Variants in NBEA observed in about 807,000 individuals in gnomAD.
NBEA encodes lysosomal-trafficking regulator 2.
A neutral mutation model predicts 343.4 loss-of-function variants in NBEA; 44 were observed. The observed-to-expected ratio is 0.13, with a 90% CI of 0.10 to 0.16. The LOEUF (loss-of-function observed/expected upper bound fraction) is 0.16. NBEA is among the 10% of genes least tolerant of loss of function. The pLI, the probability that NBEA is intolerant of heterozygous loss-of-function variation, is 1.00. For missense variants in NBEA, 2,555 were observed against 3,631.3 expected (o/e 0.70, Z 7.62); for synonymous variants, 1,175 against 1,238.7 (o/e 0.95, Z 1.08).
At chr13:35,619,058 T>G (rs1050008028) in intron 48 of NBEA, among the ~76,000 whole-genome samples, 1 of 145,834 alleles carries the variant, frequency 6.9e-6, no homozygotes, top group Non-Finnish European at 1.5e-5. Flanking sequence ...TTAAGCTGGG[T>G]TTTTTTTTTA....
intron 16 of NBEA, among the ~76,000 whole-genome samples, chr13:35,118,788 T>G (rs1001693916): frequency 9.3e-5 from 14 of 151,322 alleles, no homozygotes; most frequent in African/African-American, 3.4e-4. Context: ...GAGGATACAA[T>G]GAAATTTTAT....
rs555185783 is a variant in NBEA, at chr13:35,240,911, G to A, written c.5776+8292G>A. 6.1e-4 allele frequency among the ~76,000 whole-genome samples: 92 copies of A among 151,774 alleles called. 1 individual carries two copies. The highest frequency in any genetic ancestry group is 2.1e-3 in the African/African-American group (87 of 41,492). On this transcript the variant is annotated intron_variant, in intron 34 of 58. Transcript: ENST00000379939. Reference sequence around the variant, plus strand: ...AGTTTATTAACTGATGTTTTCTGCAGTTTACTTATTAATATTTTGTAATAA... The same window carrying A: ...AGTTTATTAACTGATGTTTTCTGCAATTTACTTATTAATATTTTGTAATAA...
intron 33 of NBEA, among the ~76,000 whole-genome samples, chr13:35,225,899 G>A (rs939943443): frequency 6.6e-6 from 1 of 151,926 alleles, no homozygotes; most frequent in South Asian, 2.1e-4. Context: ...TGTGATTTTT[G>A]TGGGAATGAC....
chr13:35,513,710 T>C (rs2077375475), intron 41 of NBEA, among the ~76,000 whole-genome samples: 1 of 152,150 alleles, frequency 6.6e-6, no homozygotes, highest in Non-Finnish European at 1.5e-5. Context: ...CAGGAACATG[T>C]TCATGTTTCC....
intron 48 of NBEA, among the ~76,000 whole-genome samples, chr13:35,618,396 T>G (rs1232173631): frequency 6.6e-6 from 1 of 152,242 alleles, no homozygotes; most frequent in Non-Finnish European, 1.5e-5. Flanking sequence ...AGACTTTACA[T>G]GTCTACAACC....
intron 38 of NBEA, among the ~76,000 whole-genome samples, chr13:35,375,193 T>C (rs2041669272): frequency 6.6e-6 from 1 of 152,176 alleles, no homozygotes; most frequent in African/African-American, 2.4e-5. Context: ...TGAACGCTTC[T>C]ACTAGTTTTC....
chr13:35,346,838 C>A (rs1233890297), intron 36 of NBEA, among the ~76,000 whole-genome samples: 2 of 152,044 alleles, frequency 1.3e-5, no homozygotes, highest in Non-Finnish European at 2.9e-5. Context: ...TATATCTGAG[C>A]AGACATGGAT....
intron 31 of NBEA, among the ~76,000 whole-genome samples, chr13:35,208,350 A>G (rs1889283238): frequency 6.6e-6 from 1 of 152,182 alleles, no homozygotes; most frequent in Admixed American, 6.5e-5. Flanking sequence ...TTTTTTATGT[A>G]TATTTTGCCA....
intron 38 of NBEA, among the ~76,000 whole-genome samples, chr13:35,396,741 G>A (rs368897644): frequency 3.3e-5 from 5 of 152,152 alleles, no homozygotes; most frequent in Non-Finnish European, 7.4e-5. Flanking sequence ...CCTCTATTTT[G>A]TTCAGATTTT....
At chr13:35,058,024 A>G (rs2063331768) in intron 7 of NBEA, among the ~76,000 whole-genome samples, 1 of 152,134 alleles carries the variant, frequency 6.6e-6, no homozygotes. Context: ...GGAGAAAGGA[A>G]CTGAGCCATG....
chr13:35,362,677 A>G (rs1415444999), intron 38 of NBEA, among the ~76,000 whole-genome samples: 1 of 151,972 alleles, frequency 6.6e-6, no homozygotes, highest in African/African-American at 2.4e-5. Context: ...TAATGGCTAT[A>G]AAGCCTCACA....
Position 34,942,653 on chromosome 13 carries a change from G to A in NBEA, c.-168G>A, listed in dbSNP as rs1482698486. 1.0e-5 allele frequency: 4 copies of A among 382,698 alleles called. No homozygotes were observed. In the East Asian group the frequency reaches 1.7e-4, roughly 17 times the overall value. The allele number at this position is 382,698 out of a possible 1,614,324, so 23.7% of individuals were successfully genotyped here. A position where few individuals can be genotyped will look rare whatever the true frequency, so the allele number is the denominator to read the frequency against. On this transcript the variant is annotated 5_prime_UTR_variant, in exon 1 of 59. Transcript: ENST00000379939. ...CCCCGCCGCCTCCGCGGGGGAGAGC[G>A]CCGGAGCGGGCCGGGCTGAGGCGCA...
At chr13:35,510,625 A>T (rs1387615352) in intron 41 of NBEA, among the ~76,000 whole-genome samples, 27 of 152,184 alleles carry the variant, frequency 1.8e-4, no homozygotes, top group Non-Finnish European at 1.5e-5. Flanking sequence ...CTTGCAAAGG[A>T]ATAAAAAAGA....
chr13:35,247,551 C>CA (rs948397648), intron 34 of NBEA, among the ~76,000 whole-genome samples: 1 of 152,106 alleles, frequency 6.6e-6, no homozygotes, highest in African/African-American at 2.4e-5. Flanking sequence ...TCTAGACCCT[C>CA]ACGTTCCCCA....
intron 1 of NBEA, among the ~76,000 whole-genome samples, chr13:34,975,821 A>G (rs2060154773): frequency 6.6e-6 from 1 of 152,232 alleles, no homozygotes; most frequent in Non-Finnish European, 1.5e-5. Context: ...GCATATGGAA[A>G]AATGCTCAAC....
intron 44 of NBEA, among the ~76,000 whole-genome samples, chr13:35,561,616 T>A (rs914975323): frequency 2.0e-5 from 3 of 152,138 alleles, no homozygotes; most frequent in African/African-American, 7.2e-5. Flanking sequence ...AAGTGTCTCA[T>A]ACTTGACCAA....
intron 38 of NBEA, among the ~76,000 whole-genome samples, chr13:35,386,782 T>TA (rs2152896284): frequency 6.6e-6 from 1 of 152,176 alleles, no homozygotes. Context: ...TTGAGTTTTT[T>TA]ATGGTTGTTG....
intron 38 of NBEA, among the ~76,000 whole-genome samples, chr13:35,391,315 C>T (rs1405221937): frequency 6.6e-6 from 1 of 151,024 alleles, no homozygotes; most frequent in Non-Finnish European, 1.5e-5. Flanking sequence ...GGCCATATAG[C>T]TTAAAGGTTT....
chr13:34,974,149 G>A lies in NBEA; in HGVS notation c.294+31035G>A, dbSNP rs74051204. ...GCTTTGTGTCACTCTCAGGTGGGCC[G>A]TCATCCTATCTGCTTTTCATTGTTC... On this transcript the variant is annotated intron_variant, in intron 1 of 58. Transcript: ENST00000379939. Among the ~76,000 whole-genome samples the A allele has an allele frequency of 9.7e-3, 1,472 of 152,280 alleles. 20 individuals carry two copies. The highest frequency in any genetic ancestry group is 0.034 in the African/African-American group (1,419 of 41,546).
Sources: allele counts gnomAD v4.1 joint callset (sites outside exome capture counted in the v4.1 genomes callset), GRCh38; gene constraint gnomAD v4.1.1; transcripts MANE v1.5; gene names NCBI Gene and HGNC (gene_info 2026-07-23, HGNC 2026-07-21).